Variants in PCDHA4 observed in about 807,000 individuals in gnomAD.
PCDHA4 encodes protocadherin alpha-4.
In PCDHA4, 49 loss-of-function variants were observed where a neutral mutation model predicts 61.4. The ratio of observed to expected loss-of-function variants is 0.80; its 90% CI spans 0.63 to 1.01. The LOEUF (loss-of-function observed/expected upper bound fraction) is 1.01, where lower values mean the gene tolerates loss of function less well. PCDHA4 is among the 50% of genes least tolerant of loss of function. PCDHA4 has a pLI of 0.00. For missense variants in PCDHA4, 1,254 were observed against 1,235.8 expected (o/e 1.01, Z -0.22); for synonymous variants, 590 against 550.3 (o/e 1.07, Z -1.01).
intron 1 of PCDHA4, among the ~76,000 whole-genome samples, chr5:140,937,894 A>G (rs1554211868): frequency 6.6e-6 from 1 of 150,462 alleles, no homozygotes; most frequent in Non-Finnish European, 1.5e-5. Context: ...CCTGGGCGAC[A>G]GAGTGAGACT....
In PCDHA4 at chr5:140,808,489, G is replaced by T; in HGVS notation, c.1302G>T (p.Ser434=). The change falls in exon 1 of 4, where the codon TCG becomes TCT. Residue 434 remains serine (S), a synonymous_variant. Coordinates refer to ENST00000530339, the MANE Select transcript of PCDHA4 (RefSeq NM_018907.4). The stretch of plus-strand genomic sequence containing the variant: ...CCGCGCGAGACGGGGGCTCGCCTTC[G>T]CTGTGGGCCACGGCCAGTGTTTCTG... ...VVTARDGGSP[S]LWATASVSVE... 4 of 1,614,158 alleles carry T rather than the reference G, an allele frequency of 2.5e-6. No homozygotes were observed. Among genetic ancestry groups the T allele is most frequent in the East Asian group, 2.2e-5 (1 of 44,872 alleles).
intron 1 of PCDHA4, among the ~76,000 whole-genome samples, chr5:140,898,580 T>G (rs541428438): frequency 2.9e-4 from 44 of 152,370 alleles, no homozygotes; most frequent in African/African-American, 1.0e-3. Flanking sequence ...CCATGCTGTT[T>G]TGGTTACTGT....
intron 1 of PCDHA4, chr5:140,966,173 A>C (rs2095976741): frequency 5.4e-6 from 1 of 184,728 alleles, no homozygotes; most frequent in Admixed American, 6.2e-5. Context: ...TTTCCTGGGG[A>C]GCTGATAGCC....
intron 1 of PCDHA4, among the ~76,000 whole-genome samples, chr5:140,895,711 T>C (rs2065121989): frequency 6.6e-6 from 1 of 152,216 alleles, no homozygotes; most frequent in African/African-American, 2.4e-5. Flanking sequence ...CTTGGGATAA[T>C]GGCCTGCACC....
Position 140,838,073 on chromosome 5 carries a change from ATATAGTGTGTGT to A in PCDHA4, c.2385+28502_2385+28513del, listed in dbSNP as rs1161120523. Among the ~76,000 whole-genome samples the A allele has an allele frequency of 1.4e-3, 180 of 126,834 alleles. 3 individuals are homozygous for A. Among genetic ancestry groups the A allele is most frequent in the South Asian group, 4.9e-3 (18 of 3,638 alleles). The allele number at this position is 126,834 out of a possible 152,430, so 83.2% of individuals were successfully genotyped here. ...TGGTTTTCCACTTTAAGTTATATATATATAGTGTGTGTGTGTGTGTGTGTGTGTGTGTGTGTG... is the reference window on the plus strand; with the variant it reads ...TGGTTTTCCACTTTAAGTTATATATAGTGTGTGTGTGTGTGTGTGTGTGTG... On this transcript the variant is annotated intron_variant, in intron 1 of 3. Coordinates refer to ENST00000530339, the MANE Select transcript of PCDHA4 (RefSeq NM_018907.4).
chr5:140,836,091 G>A, intron 1 of PCDHA4: 1 of 1,613,712 alleles, frequency 6.2e-7, no homozygotes, highest in Non-Finnish European at 8.5e-7. Flanking sequence ...GGCGCCTCGG[G>A]TGGGTGGCAC....
At chr5:140,842,314 G>A (rs1777869139) in intron 1 of PCDHA4, 6 of 1,607,200 alleles carry the variant, frequency 3.7e-6, no homozygotes, top group Non-Finnish European at 5.1e-6. Flanking sequence ...CTCCCATGGC[G>A]GGTCATTGCA....
chr5:140,996,918 A>T lies in PCDHA4; in HGVS notation c.2534-12709A>T, dbSNP rs10036183. On this transcript the variant is annotated intron_variant, in intron 3 of 3. Transcript: ENST00000530339. ...GAATTACATTGTTGAAGTAAATATT[A>T]AAAAATATAGCATTTTTGCATAGAA... Among the ~76,000 whole-genome samples, 492 of 152,328 alleles carry T rather than the reference A, an allele frequency of 3.2e-3. 4 individuals are homozygous for T. Among genetic ancestry groups the T allele is most frequent in the African/African-American group, 0.011 (464 of 41,562 alleles).
chr5:140,928,106 G>A, intron 1 of PCDHA4: 4 of 1,614,150 alleles, frequency 2.5e-6, no homozygotes, highest in Non-Finnish European at 3.4e-6. Context: ...CCCCTGGACC[G>A]GGAGCAGATC....
At chr5:140,854,178 A>ATT in intron 1 of PCDHA4, 1 of 531,178 alleles carries the variant, frequency 1.9e-6, no homozygotes, top group Non-Finnish European at 2.4e-6. Context: ...AAAAAAAAAG[A>ATT]GTAGTTTAAC....
chr5:140,997,668 T>TTGTGTGTGTGTGTGTG (rs35184029), intron 3 of PCDHA4, among the ~76,000 whole-genome samples: 13 of 148,244 alleles, frequency 8.8e-5, no homozygotes, highest in African/African-American at 2.2e-4. Flanking sequence ...ATTATACAGC[T>TTGTGTGTGTGTGTGTG]TGTGTGTGTG....
intron 1 of PCDHA4, among the ~76,000 whole-genome samples, chr5:140,945,540 CA>C (rs1330025999): frequency 1.3e-5 from 2 of 151,706 alleles, no homozygotes; most frequent in African/African-American, 2.4e-5. Flanking sequence ...AACATACAAA[CA>C]AAAAAATGAA....
intron 1 of PCDHA4, chr5:140,871,029 G>A (rs782042665): frequency 1.9e-6 from 3 of 1,613,228 alleles, no homozygotes; most frequent in Non-Finnish European, 2.5e-6. Flanking sequence ...CAGACTCGCC[G>A]CGCCACCGAC....
At chr5:140,850,261 T>C (rs2150476326) in intron 1 of PCDHA4, 3 of 1,592,442 alleles carry the variant, frequency 1.9e-6, no homozygotes, top group African/African-American at 1.4e-5. Flanking sequence ...GGCGCCGGCG[T>C]AGTGGTGGGG....
chr5:140,897,997 G>C (rs1174176296), intron 1 of PCDHA4, among the ~76,000 whole-genome samples: 1 of 152,168 alleles, frequency 6.6e-6, no homozygotes, highest in Non-Finnish European at 1.5e-5. Context: ...CTTTTGAGAA[G>C]TGTCTGTTCA....
At chr5:140,937,020 G>A (rs2091265832) in intron 1 of PCDHA4, among the ~76,000 whole-genome samples, 1 of 151,388 alleles carries the variant, frequency 6.6e-6, no homozygotes. Flanking sequence ...CGATTAACAA[G>A]GTATATTCTT....
Position 140,876,293 on chromosome 5 carries a change from A to G in PCDHA4, c.2385+66721A>G, listed in dbSNP as rs201253884. Reference sequence around the variant, plus strand: ...GCTTCCGATCCAGACGAAGGACTTAATGGAGAAATTTCCTATGGGATCAAA... The same window carrying G: ...GCTTCCGATCCAGACGAAGGACTTAGTGGAGAAATTTCCTATGGGATCAAA... On this transcript the variant is annotated intron_variant, in intron 1 of 3. Transcript: ENST00000530339. The G allele has an allele frequency of 9.9e-6, 16 of 1,613,942 alleles. No homozygotes were observed. The highest frequency in any genetic ancestry group is 2.5e-6 in the Non-Finnish European group (3 of 1,179,906).
intron 1 of PCDHA4, chr5:140,849,066 C>A (rs2040764051): frequency 6.5e-7 from 1 of 1,540,002 alleles, no homozygotes; most frequent in Non-Finnish European, 8.8e-7. Flanking sequence ...GCAGGTAAAA[C>A]CTCTTGGACT....
intron 1 of PCDHA4, among the ~76,000 whole-genome samples, chr5:140,943,825 T>C (rs1421631991): frequency 6.6e-6 from 1 of 152,128 alleles, no homozygotes; most frequent in East Asian, 1.9e-4. Context: ...GAAAATGAGT[T>C]GATTGAAGTT....
Sources: gnomAD v4.1 joint callset for allele counts (sites outside exome capture counted in the v4.1 genomes callset) on GRCh38, gnomAD v4.1.1 for gene constraint, MANE v1.5 for transcripts, NCBI Gene and HGNC (gene_info 2026-07-23, HGNC 2026-07-21) for gene names.